The following NEGR1 variants were observed in gnomAD, a reference collection of about 807,000 sequenced individuals.
NEGR1 encodes the protein neuronal growth regulator 1.
A neutral mutation model predicts 40.9 loss-of-function variants in NEGR1; 10 were observed. The ratio of observed to expected loss-of-function variants is 0.24; its 90% CI spans 0.15 to 0.42. The LOEUF (loss-of-function observed/expected upper bound fraction) is 0.42, where lower values mean the gene tolerates loss of function less well. NEGR1 is among the 10% of genes least tolerant of loss of function. The pLI, the probability that NEGR1 is intolerant of heterozygous loss-of-function variation, is 1.00. For missense variants in NEGR1, 352 were observed against 438.9 expected (o/e 0.80, Z 1.77); for synonymous variants, 185 against 166.8 (o/e 1.11, Z -0.84).
intron 6 of NEGR1, among the ~76,000 whole-genome samples, chr1:71,581,406 T>C (rs552544883): frequency 2.6e-5 from 4 of 152,192 alleles, no homozygotes; most frequent in African/African-American, 4.8e-5. Flanking sequence ...CTTGCAGTAT[T>C]CCAAAACTAT....
At chr1:72,205,194 G>T (rs969486856) in intron 1 of NEGR1, among the ~76,000 whole-genome samples, 3 of 151,938 alleles carry the variant, frequency 2.0e-5, no homozygotes, top group Non-Finnish European at 4.4e-5. Context: ...ATATTATCCA[G>T]GGTCAACTTG....
intron 6 of NEGR1, among the ~76,000 whole-genome samples, chr1:71,527,129 A>C (rs1647226303): frequency 6.6e-6 from 1 of 151,522 alleles, no homozygotes; most frequent in Non-Finnish European, 1.5e-5. Flanking sequence ...TGTATTACAT[A>C]AATCTGTTTT....
intron 1 of NEGR1, among the ~76,000 whole-genome samples, chr1:72,273,233 C>G (rs1655909645): frequency 6.6e-6 from 1 of 151,950 alleles, no homozygotes; most frequent in South Asian, 2.1e-4. Flanking sequence ...CATGTAGCTA[C>G]TTTTTACAAT....
Position 71,921,115 on chromosome 1 carries a change from A to G in NEGR1, c.409+13964T>C, listed in dbSNP as rs192164760. 1.3e-4 allele frequency among the ~76,000 whole-genome samples: 20 copies of G among 152,272 alleles called. No homozygotes were observed. In the East Asian group the frequency reaches 2.9e-3, roughly 22 times the overall value. The stretch of plus-strand genomic sequence containing the variant: ...TAATAATTAGTTTAATAAATCTGAG[A>G]TCCCAATATATGTGTAATTAATTTT... On this transcript the variant is annotated intron_variant, in intron 2 of 6. Coordinates refer to ENST00000357731, the MANE Select transcript of NEGR1 (RefSeq NM_173808.3).
chr1:72,125,043 C>A (rs1649958035), intron 1 of NEGR1, among the ~76,000 whole-genome samples: 2 of 152,116 alleles, frequency 1.3e-5, no homozygotes, highest in African/African-American at 4.8e-5. Flanking sequence ...TTTGTCATCA[C>A]TGTACGTCAC....
In NEGR1 at chr1:71,740,547, G is replaced by A. The variant is rs536081857; in HGVS notation, c.535+35625C>T. ...AAAATGAACTTCATCCCACAAAGATGTTTCCTGGGGCCTGTCTGCTGAACA... is the reference window on the plus strand; with the variant it reads ...AAAATGAACTTCATCCCACAAAGATATTTCCTGGGGCCTGTCTGCTGAACA... On this transcript the variant is annotated intron_variant, in intron 3 of 6. Coordinates refer to ENST00000357731, the MANE Select transcript of NEGR1 (RefSeq NM_173808.3). 4.6e-5 allele frequency among the ~76,000 whole-genome samples: 7 copies of A among 152,226 alleles called. No homozygotes were observed. The South Asian group carries it at 6.2e-4, about 14-fold the overall frequency.
chr1:71,673,153 G>C (rs1193104787), intron 4 of NEGR1, among the ~76,000 whole-genome samples: 1 of 152,020 alleles, frequency 6.6e-6, no homozygotes, highest in Admixed American at 6.6e-5. Context: ...GCAGGAGAAT[G>C]GCGTGAATCC....
intron 4 of NEGR1, among the ~76,000 whole-genome samples, chr1:71,684,574 G>A (rs530407201): frequency 6.6e-6 from 1 of 152,116 alleles, no homozygotes; most frequent in African/African-American, 2.4e-5. Flanking sequence ...GATTGTTAGG[G>A]AAGAAACTTC....
rs1276718973 is a variant in NEGR1 at position 72,078,641 on chromosome 1, A to AT, written c.177-143331dup. ...CACTCATATATATATATATATATTT[A>AT]TTTATTTTTTTTTTTGAGATGGAGT... On this transcript the variant is annotated intron_variant, in intron 1 of 6. Coordinates refer to ENST00000357731, the MANE Select transcript of NEGR1 (RefSeq NM_173808.3). Among the ~76,000 whole-genome samples, 1,120 of 144,024 alleles carry AT rather than the reference A, an allele frequency of 7.8e-3. 16 individuals carry two copies. The highest frequency in any genetic ancestry group is 0.025 in the African/African-American group (981 of 39,430). 94.5% of individuals were successfully genotyped at this position (144,024 alleles called of 152,430 possible).
At chr1:71,962,408 C>T (rs1050137536) in intron 1 of NEGR1, among the ~76,000 whole-genome samples, 2 of 151,900 alleles carry the variant, frequency 1.3e-5, no homozygotes, top group African/African-American at 4.8e-5. Context: ...ATTAAACTAC[C>T]ATTTTACTTG....
intron 1 of NEGR1, among the ~76,000 whole-genome samples, chr1:72,194,087 CA>C (rs1454844696): frequency 1.3e-5 from 2 of 151,616 alleles, no homozygotes; most frequent in Non-Finnish European, 2.9e-5. Context: ...ATATAGTTGG[CA>C]AATCTACAAA....
chr1:71,505,435 C>T (rs1025256280), intron 6 of NEGR1, among the ~76,000 whole-genome samples: 2 of 152,180 alleles, frequency 1.3e-5, no homozygotes, highest in African/African-American at 4.8e-5. Context: ...GTGTCCGCCA[C>T]TGCGCCAGAC....
At chr1:71,578,051 G>A (rs57061606) in intron 6 of NEGR1, among the ~76,000 whole-genome samples, 2,244 of 152,132 alleles carry the variant, frequency 0.015, 52 homozygotes, top group African/African-American at 0.052. Context: ...TCTTACAGGA[G>A]CCATACTGAA....
intron 6 of NEGR1, among the ~76,000 whole-genome samples, chr1:71,541,862 C>A (rs1001485918): frequency 1.3e-5 from 2 of 151,792 alleles, no homozygotes; most frequent in Non-Finnish European, 2.9e-5. Flanking sequence ...GGCTTTCCTA[C>A]AGAAGAGCTG....
intron 1 of NEGR1, among the ~76,000 whole-genome samples, chr1:71,944,714 T>C (rs948103624): frequency 6.6e-6 from 1 of 152,188 alleles, no homozygotes; most frequent in Non-Finnish European, 1.5e-5. Context: ...ACCCATCTGC[T>C]TATGTTGATC....
intron 1 of NEGR1, among the ~76,000 whole-genome samples, chr1:71,993,387 G>A (rs1646472946): frequency 6.6e-6 from 1 of 152,160 alleles, no homozygotes; most frequent in South Asian, 2.1e-4. Flanking sequence ...GACTGGCAGT[G>A]TAGGTAAGCC....
At chr1:71,951,349 G>A (rs1646068894) in intron 1 of NEGR1, among the ~76,000 whole-genome samples, 1 of 151,694 alleles carries the variant, frequency 6.6e-6, no homozygotes, top group Admixed American at 6.6e-5. Flanking sequence ...ACTATTAATG[G>A]GCAGGCAACT....
At chr1:71,849,912 A>G (rs988878730) in intron 2 of NEGR1, among the ~76,000 whole-genome samples, 5 of 152,180 alleles carry the variant, frequency 3.3e-5, no homozygotes, top group African/African-American at 1.2e-4. Context: ...TGTAAATATA[A>G]CTTTTATATG....
At chr1:71,618,511 G>A (rs139224090) in intron 4 of NEGR1, among the ~76,000 whole-genome samples, 3 of 152,190 alleles carry the variant, frequency 2.0e-5, no homozygotes, top group African/African-American at 7.2e-5. Context: ...TGAGATCATG[G>A]AGTAGACTGG....
Sources: allele counts gnomAD v4.1 joint callset (sites outside exome capture counted in the v4.1 genomes callset), GRCh38; gene constraint gnomAD v4.1.1; transcripts MANE v1.5; gene names NCBI Gene and HGNC (gene_info 2026-07-23, HGNC 2026-07-21).